The following OSBPL10 variants were observed in gnomAD, a reference collection of about 807,000 sequenced individuals.
OSBPL10 encodes the protein oxysterol binding protein like 10.
OSBPL10 carries 49 observed loss-of-function variants against 81.7 expected under a neutral mutation model. The observed-to-expected ratio is 0.60, with a 90% CI of 0.48 to 0.76. The LOEUF (loss-of-function observed/expected upper bound fraction) is 0.76. Ranked by LOEUF, OSBPL10 falls within the 30% of genes least tolerant of loss-of-function variation. The pLI, the probability that OSBPL10 is intolerant of heterozygous loss-of-function variation, is 0.00. For synonymous variants in OSBPL10, 419 were observed against 383.6 expected, an observed-to-expected ratio of 1.09 and a Z score of -1.08; for missense variants, 923 against 987.8, an observed-to-expected ratio of 0.93 and a Z score of 0.88.
chr3:31,807,979 A>G (rs921254260), intron 4 of OSBPL10, among the ~76,000 whole-genome samples: 1 of 152,208 alleles, frequency 6.6e-6, no homozygotes, highest in Non-Finnish European at 1.5e-5. Context: ...ACTTATGTAT[A>G]AAGAATAACA....
At chr3:32,055,323 C>A (rs1173729329) in intron 1 of OSBPL10, among the ~76,000 whole-genome samples, 1 of 150,496 alleles carries the variant, frequency 6.6e-6, no homozygotes, top group Non-Finnish European at 1.5e-5. Flanking sequence ...CCTGCATCAG[C>A]CTCATGAGTA....
intron 2 of OSBPL10, chr3:32,037,580 C>A: frequency 1.3e-5 from 3 of 239,260 alleles, no homozygotes; most frequent in Non-Finnish European, 2.5e-5. Flanking sequence ...CTTAACACTG[C>A]GACCAAAGAT....
chr3:32,042,777 C>T (rs1699590260), intron 2 of OSBPL10, among the ~76,000 whole-genome samples: 1 of 152,022 alleles, frequency 6.6e-6, no homozygotes, highest in African/African-American at 2.4e-5. Flanking sequence ...GAGTAGGTCA[C>T]AAGATCACAT....
chr3:31,990,847 G>C (rs1380646127), intron 2 of OSBPL10: 3 of 1,584,320 alleles, frequency 1.9e-6, no homozygotes, highest in Non-Finnish European at 2.6e-6. Flanking sequence ...AATTCATATG[G>C]GAGAGAAACA....
chr3:31,814,148 C>T (rs1181428334), intron 4 of OSBPL10, among the ~76,000 whole-genome samples: 5 of 152,188 alleles, frequency 3.3e-5, no homozygotes, highest in Admixed American at 3.3e-4. Context: ...AACAAGACTA[C>T]CGCTACTTTC....
chr3:31,805,641 A>C (rs971489984), intron 4 of OSBPL10, among the ~76,000 whole-genome samples: 1 of 152,182 alleles, frequency 6.6e-6, no homozygotes, highest in Non-Finnish European at 1.5e-5. Flanking sequence ...ACAAAATACA[A>C]AGCACCTTAA....
intron 6 of OSBPL10, among the ~76,000 whole-genome samples, chr3:31,715,157 A>G (rs1696393646): frequency 6.6e-6 from 1 of 152,104 alleles, no homozygotes; most frequent in African/African-American, 2.4e-5. Flanking sequence ...GACTTGTGCT[A>G]TCTAATCCAG....
At chr3:32,014,328 G>A (rs1310053756) in intron 2 of OSBPL10, among the ~76,000 whole-genome samples, 2 of 152,150 alleles carry the variant, frequency 1.3e-5, no homozygotes, top group Non-Finnish European at 2.9e-5. Flanking sequence ...CATATAAACA[G>A]AACCAATGAC....
At chr3:31,853,465 C>A (rs1163845718) in intron 3 of OSBPL10, among the ~76,000 whole-genome samples, 1 of 152,052 alleles carries the variant, frequency 6.6e-6, no homozygotes, top group Non-Finnish European at 1.5e-5. Context: ...GTACCACAGG[C>A]AAGAGTGGTA....
chr3:31,813,775 C>A (rs1474930133), intron 4 of OSBPL10, among the ~76,000 whole-genome samples: 1 of 152,180 alleles, frequency 6.6e-6, no homozygotes, highest in Non-Finnish European at 1.5e-5. Flanking sequence ...TGAGCATGTG[C>A]CTTGGCCCTC....
chr3:31,797,646 G>T (rs900721599), intron 4 of OSBPL10: 5 of 347,048 alleles, frequency 1.4e-5, no homozygotes, highest in Non-Finnish European at 3.0e-5. Context: ...AAAGGTCACA[G>T]CTATTTTTCC....
chr3:31,961,373 G>A (rs1317204755), intron 1 of OSBPL10, among the ~76,000 whole-genome samples: 7 of 152,084 alleles, frequency 4.6e-5, no homozygotes, highest in East Asian at 3.9e-4. Context: ...GAAAGCTAGC[G>A]TCTCTGATTT....
chr3:32,056,690 G>A (rs925359654), intron 1 of OSBPL10, among the ~76,000 whole-genome samples: 13 of 152,302 alleles, frequency 8.5e-5, no homozygotes, highest in African/African-American at 2.6e-4. Flanking sequence ...AATTACAGAA[G>A]ATGGACCTTC....
At chr3:31,914,694 C>T (rs1323258226) in intron 1 of OSBPL10, among the ~76,000 whole-genome samples, 1 of 152,192 alleles carries the variant, frequency 6.6e-6, no homozygotes, top group African/African-American at 2.4e-5. Context: ...ACTCACTTGA[C>T]CCACTACAAA....
intron 2 of OSBPL10, among the ~76,000 whole-genome samples, chr3:32,018,148 CAATAAATAAATAAATAAATAAATA>C (rs199908017): frequency 1.4e-5 from 2 of 141,904 alleles, no homozygotes; most frequent in Non-Finnish European, 3.1e-5. Flanking sequence ...AACTCCATCT[CAATAAATAAATAAATAAATAAATA>C]AATAAATAAA....
chr3:31,846,700 C>A (rs547765561), intron 3 of OSBPL10, among the ~76,000 whole-genome samples: 1 of 152,048 alleles, frequency 6.6e-6, no homozygotes, highest in African/African-American at 2.4e-5. Flanking sequence ...GTGCTAGTGG[C>A]CACATATAAA....
At chr3:31,887,035 C>G (rs540793885) in intron 1 of OSBPL10, among the ~76,000 whole-genome samples, 134 of 152,136 alleles carry the variant, frequency 8.8e-4, no homozygotes, top group Non-Finnish European at 1.6e-3. Flanking sequence ...ACACTAATGG[C>G]AGAGACTGAG....
chr3:31,939,364 C>G (rs1459473344), intron 1 of OSBPL10, among the ~76,000 whole-genome samples: 5 of 151,622 alleles, frequency 3.3e-5, no homozygotes, highest in Non-Finnish European at 7.4e-5. Flanking sequence ...AGGTTGGTCT[C>G]AAACTCCTGA....
chr3:32,060,323 C>T (rs143237618), intron 1 of OSBPL10, among the ~76,000 whole-genome samples: 10 of 152,336 alleles, frequency 6.6e-5, no homozygotes, highest in African/African-American at 2.4e-4. Context: ...TCAACTACTA[C>T]ACAAGTAGGT....
Sources: allele counts gnomAD v4.1 joint callset (sites outside exome capture counted in the v4.1 genomes callset), GRCh38; gene constraint gnomAD v4.1.1; transcripts MANE v1.5; gene names NCBI Gene and HGNC (gene_info 2026-07-23, HGNC 2026-07-21).